Variants in LNX1 observed in about 807,000 individuals in gnomAD.
LNX1 encodes ligand of numb-protein X 1, also known as E3 ubiquitin-protein ligase LNX.
In LNX1, 54 loss-of-function variants were observed where a neutral mutation model predicts 68.4. The ratio of observed to expected loss-of-function variants is 0.79; its 90% confidence interval spans 0.63 to 0.99. The LOEUF is 0.99. LNX1 is among the 50% of genes least tolerant of loss of function. The pLI, the probability that LNX1 is intolerant of heterozygous loss-of-function variation, is 0.00. For missense variants in LNX1, 906 were observed against 926.4 expected (o/e 0.98, Z 0.29); for synonymous variants, 336 against 350.0 (o/e 0.96, Z 0.45).
intron 1 of LNX1, among the ~76,000 whole-genome samples, chr4:53,645,893 A>C (rs574528504): frequency 1.3e-5 from 2 of 152,224 alleles, no homozygotes; most frequent in South Asian, 2.1e-4. Context: ...TTACTATTTC[A>C]TACTGATTAC....
intron 2 of LNX1, among the ~76,000 whole-genome samples, chr4:53,567,857 A>G (rs1290762911): frequency 6.6e-6 from 1 of 152,148 alleles, no homozygotes; most frequent in African/African-American, 2.4e-5. Flanking sequence ...ATCAGAGAAT[A>G]CTACAAACAC....
At chr4:53,497,026 C>T (rs1725120180) in intron 5 of LNX1, among the ~76,000 whole-genome samples, 2 of 152,078 alleles carry the variant, frequency 1.3e-5, no homozygotes, top group African/African-American at 4.8e-5. Flanking sequence ...TTTTTTTGCC[C>T]ATGTTCTCAG....
chr4:53,495,948 C>T, intron 6 of LNX1, 75 bp downstream of exon 6: 1 of 1,532,630 alleles, frequency 6.5e-7, no homozygotes, highest in Non-Finnish European at 8.8e-7. Flanking sequence ...GACAGGGTGC[C>T]TGGTTCAGGG....
intron 1 of LNX1, among the ~76,000 whole-genome samples, chr4:53,641,730 C>T (rs1340295220): frequency 6.6e-6 from 1 of 152,224 alleles, no homozygotes; most frequent in Non-Finnish European, 1.5e-5. Flanking sequence ...CTTTCTATAA[C>T]TAGACTGCTT....
chr4:53,500,448 C>A (rs958663175), intron 4 of LNX1: 2 of 152,166 alleles, frequency 1.3e-5, no homozygotes, highest in African/African-American at 4.8e-5. Flanking sequence ...TAAGAGTCTC[C>A]TTTCGTTATG....
rs1354935573 is a variant in LNX1, at chr4:53,508,166, A to G, written c.442T>C (p.Cys148Arg). Residue 148 changes from cysteine (C) to arginine (R), a missense_variant, in exon 3 of 11, where the codon TGT (cysteine) becomes CGT (arginine). Transcript: ENST00000263925. ...KDRKRRSQDG[C>R]PDGCASLTAT... is the part of the protein sequence containing the mutation. ...GTGAGGCTCGCACAGCCGTCTGGACAGCCATCTTGTGAGCGCCTCTTCCTA... is the reference window on the plus strand; with the variant it reads ...GTGAGGCTCGCACAGCCGTCTGGACGGCCATCTTGTGAGCGCCTCTTCCTA... The G allele has an allele frequency of 1.9e-6, 3 of 1,614,168 alleles. No homozygotes were observed. The highest frequency in any genetic ancestry group is 1.7e-4 in the Middle Eastern group (1 of 6,060).
chr4:53,504,420 C>G, intron 4 of LNX1, among the ~76,000 whole-genome samples: 1 of 152,216 alleles, frequency 6.6e-6, no homozygotes, highest in East Asian at 1.9e-4. Flanking sequence ...AAGTTAGGAC[C>G]TTCCTCTGGA....
At chr4:53,593,135 C>T (rs1471409877), upstream of LNX1, 7 of 152,198 alleles carry the variant, frequency 4.6e-5, no homozygotes, top group Non-Finnish European at 5.9e-5. Context: ...ACCTTTTACA[C>T]TCAGGTGTTT....
chr4:53,634,819 T>G (rs968916842), intron 1 of LNX1, among the ~76,000 whole-genome samples: 1 of 151,704 alleles, frequency 6.6e-6, no homozygotes, highest in Non-Finnish European at 1.5e-5. Flanking sequence ...TGTTTTTTTT[T>G]CTTTTTTAAT....
At chr4:53,587,413 T>A (rs1309849766) in intron 1 of LNX1, among the ~76,000 whole-genome samples, 3 of 152,204 alleles carry the variant, frequency 2.0e-5, no homozygotes, top group African/African-American at 7.2e-5. Flanking sequence ...TCCAAACAGT[T>A]TTGAAAAGCC....
At chr4:53,623,665 T>A (rs1560697804) in intron 1 of LNX1, among the ~76,000 whole-genome samples, 1 of 152,160 alleles carries the variant, frequency 6.6e-6, no homozygotes, top group Non-Finnish European at 1.5e-5. Context: ...AATTTGAAGT[T>A]ATATGGCTAT....
chr4:53,519,842 G>A (rs578241476), intron 2 of LNX1, among the ~76,000 whole-genome samples: 1 of 152,286 alleles, frequency 6.6e-6, no homozygotes, highest in South Asian at 2.1e-4. Flanking sequence ...GCAGGTTTGC[G>A]CAGTTTGCAT....
chr4:53,648,775 A>G (rs1471520348), intron 1 of LNX1, among the ~76,000 whole-genome samples: 1 of 152,180 alleles, frequency 6.6e-6, no homozygotes, highest in African/African-American at 2.4e-5. Context: ...AACAGTTTCA[A>G]AAACTCCCTC....
chr4:53,514,494 G>C (rs1579447532), intron 2 of LNX1, among the ~76,000 whole-genome samples: 1 of 10,824 alleles, frequency 9.2e-5, no homozygotes, highest in African/African-American at 9.9e-5. Flanking sequence ...AAGAGGGCTT[G>C]TGTGGGGAAC....
intron 1 of LNX1, among the ~76,000 whole-genome samples, chr4:53,630,384 A>G (rs537381688): frequency 6.6e-6 from 1 of 152,288 alleles, no homozygotes; most frequent in East Asian, 1.9e-4. Flanking sequence ...ATTGGAGTGA[A>G]AGGACACACA....
At chr4:53,629,939 A>G (rs951624574) in intron 1 of LNX1, among the ~76,000 whole-genome samples, 1 of 152,166 alleles carries the variant, frequency 6.6e-6, no homozygotes, top group African/African-American at 2.4e-5. Context: ...TCATTCCTCC[A>G]AAACACTGTT....
intron 2 of LNX1, among the ~76,000 whole-genome samples, chr4:53,510,355 G>A (rs1407572320): frequency 6.6e-6 from 1 of 152,196 alleles, no homozygotes; most frequent in African/African-American, 2.4e-5. Context: ...ATAGTCAGTG[G>A]CATCTTAGAT....
At chr4:53,525,248 G>T (rs1231489221) in intron 2 of LNX1, among the ~76,000 whole-genome samples, 1 of 152,176 alleles carries the variant, frequency 6.6e-6, no homozygotes, top group African/African-American at 2.4e-5. Context: ...TTGGGAGGGT[G>T]AGGAGGGCGG....
At chr4:53,648,985 C>T (rs1270080403) in intron 1 of LNX1, among the ~76,000 whole-genome samples, 5 of 152,130 alleles carry the variant, frequency 3.3e-5, no homozygotes, top group Non-Finnish European at 7.4e-5. Flanking sequence ...GTCTCCTTAG[C>T]ATGCAGGGCA....
Sources: allele counts gnomAD v4.1 joint callset (sites outside exome capture counted in the v4.1 genomes callset), GRCh38; gene constraint gnomAD v4.1.1; transcripts MANE v1.5; gene names NCBI Gene and HGNC (gene_info 2026-07-23, HGNC 2026-07-21).